SLC30A7: variants seen among roughly 807,000 people sequenced by gnomAD.
SLC30A7 encodes zinc transporter 7.
SLC30A7 carries 35 observed loss-of-function variants against 46.0 expected under a neutral mutation model. The observed-to-expected ratio is 0.76, with a 90% CI of 0.58 to 1.01. The LOEUF (loss-of-function observed/expected upper bound fraction) is 1.01, where lower values mean the gene tolerates loss of function less well. SLC30A7 is among the 50% of genes least tolerant of loss of function. The pLI is 0.00. For synonymous variants in SLC30A7, 147 were observed against 157.8 expected (o/e 0.93, Z 0.51); for missense variants, 464 against 451.1 (o/e 1.03, Z -0.26).
rs111335585 is a variant in SLC30A7 at position 100,913,717 on chromosome 1, A to G, written c.566A>G (p.His189Arg). 4.3e-4 allele frequency: 687 copies of G among 1,613,966 alleles called. No individual in the cohort carries two copies. Among genetic ancestry groups the G allele is most frequent in the Non-Finnish European group, 5.4e-4 (638 of 1,179,866 alleles). ...GGTGCTCTAGATCAGGCACATGGCC[A>G]TGTCGATCATTGCCATAGCCATGAA... is the stretch of plus-strand genomic sequence containing the variant. ...FNGALDQAHG[H>R]VDHCHSHEVK... Residue 189 changes from histidine to arginine, a missense_variant, in exon 6 of 11, where the codon CAT (histidine) becomes CGT (arginine). His to Arg is a conservative substitution (Grantham distance 29). Coordinates refer to ENST00000357650, the MANE Select transcript of SLC30A7 (RefSeq NM_133496.5).
the SLC30A7 span, chr1:100,992,697 G>A: frequency 1.9e-6 from 3 of 1,613,854 alleles, no homozygotes; most frequent in Non-Finnish European, 2.5e-6. Context: ...TGGGCTGCTT[G>A]GTTTACACTC....
chr1:100,910,329 C>T (rs562608068), intron 3 of SLC30A7, among the ~76,000 whole-genome samples: 4 of 152,074 alleles, frequency 2.6e-5, no homozygotes, highest in South Asian at 2.1e-4. Flanking sequence ...GCCAAATATA[C>T]GATACAGAAA....
intron 8 of SLC30A7, among the ~76,000 whole-genome samples, chr1:100,945,186 GC>G (rs1429445572): frequency 6.6e-6 from 1 of 152,012 alleles, no homozygotes; most frequent in Non-Finnish European, 1.5e-5. Flanking sequence ...CTGGATATTA[GC>G]CCTTTGTCAG....
chr1:100,974,708 T>A (rs1422828687), intron 10 of SLC30A7, 102 bp from the exon 11 acceptor site: 3 of 826,172 alleles, frequency 3.6e-6, no homozygotes, highest in Non-Finnish European at 5.3e-6. Context: ...TTTCTTTTTT[T>A]AAAAAAGTGA....
chr1:100,922,155 G>T (rs1185947923), intron 8 of SLC30A7, among the ~76,000 whole-genome samples: 1 of 151,782 alleles, frequency 6.6e-6, no homozygotes, highest in South Asian at 2.1e-4. Context: ...TAATAGAGAT[G>T]GGGTTTTACC....
rs1357987719 is a variant in SLC30A7 at position 100,980,245 on chromosome 1, A to T, written c.*5388A>T. On this transcript the variant is annotated 3_prime_UTR_variant, in exon 11 of 11. Transcript: ENST00000357650. Reference sequence around the variant, plus strand: ...GTTTATTAGGGAATTATCTTCCCCAAAAGTACAAGTAATTTTGCACTGCAG... The same window carrying T: ...GTTTATTAGGGAATTATCTTCCCCATAAGTACAAGTAATTTTGCACTGCAG... 1 of 152,102 alleles carries T rather than the reference A, an allele frequency of 6.6e-6. No homozygotes were observed. The highest frequency in any genetic ancestry group is 1.9e-4 in the East Asian group (1 of 5,194). 9.4% of individuals were successfully genotyped at this position (152,102 alleles called of 1,614,324 possible).
At chr1:100,972,079 T>G (rs1321156831) in intron 10 of SLC30A7, among the ~76,000 whole-genome samples, 1 of 152,152 alleles carries the variant, frequency 6.6e-6, no homozygotes, top group Non-Finnish European at 1.5e-5. Flanking sequence ...GTTTTCACAT[T>G]TTAAGGACCT....
In SLC30A7 at chr1:100,978,856, A is replaced by G. The variant is rs972905467; in HGVS notation, c.*3999A>G. Reference sequence around the variant, plus strand: ...TATAAAACCAGTTCCTGACATTTTAAAAAACAATATCTGTAAAATGGATCC... The same window carrying G: ...TATAAAACCAGTTCCTGACATTTTAGAAAACAATATCTGTAAAATGGATCC... On this transcript the variant is annotated 3_prime_UTR_variant, in exon 11 of 11. Coordinates refer to ENST00000357650, the MANE Select transcript of SLC30A7 (RefSeq NM_133496.5). The G allele has an allele frequency of 2.0e-5, 3 of 152,186 alleles. No individual in the cohort carries two copies. The highest frequency in any genetic ancestry group is 4.4e-5 in the Non-Finnish European group (3 of 68,010). The allele number at this position is 152,186 out of a possible 1,614,324, so 9.4% of individuals were successfully genotyped here.
At chr1:100,899,163 TA>T (rs1432687064) in intron 2 of SLC30A7, among the ~76,000 whole-genome samples, 1 of 152,196 alleles carries the variant, frequency 6.6e-6, no homozygotes, top group Admixed American at 6.5e-5. Flanking sequence ...ACCTTCCCAC[TA>T]GAACGTAAAC....
chr1:100,913,819 T>G lies in SLC30A7; in HGVS notation c.655+13T>G. 1 of 1,599,764 alleles carries G rather than the reference T, an allele frequency of 6.3e-7. No individual in the cohort carries two copies. Among genetic ancestry groups the G allele is most frequent in the Admixed American group, 1.7e-5 (1 of 58,422 alleles). On this transcript the variant is annotated intron_variant, in intron 6 of 10. Coordinates refer to ENST00000357650, the MANE Select transcript of SLC30A7 (RefSeq NM_133496.5). ...TTTCATTCTCATGGTGAGTACAGCCTAGAGACAAATGGACAGCCTCCAAAT... is the reference window on the plus strand; with the variant it reads ...TTTCATTCTCATGGTGAGTACAGCCGAGAGACAAATGGACAGCCTCCAAAT...
intron 9 of SLC30A7, among the ~76,000 whole-genome samples, chr1:100,964,343 T>C (rs909280829): frequency 1.4e-5 from 2 of 143,608 alleles, no homozygotes; most frequent in African/African-American, 2.6e-5. Flanking sequence ...ATATATGTTA[T>C]ATATACATAT....
At chr1:100,922,457 G>A (rs1653009598) in intron 8 of SLC30A7, among the ~76,000 whole-genome samples, 1 of 152,178 alleles carries the variant, frequency 6.6e-6, no homozygotes, top group African/African-American at 2.4e-5. Flanking sequence ...TATAGTTAGT[G>A]TATTAATCCT....
chr1:100,948,175 A>G (rs1377303771), intron 8 of SLC30A7, among the ~76,000 whole-genome samples: 1 of 152,188 alleles, frequency 6.6e-6, no homozygotes, highest in Non-Finnish European at 1.5e-5. Flanking sequence ...ATGTTTTTGC[A>G]GTGGCTGGTG....
At chr1:100,915,896 A>G (rs1652512440) in intron 6 of SLC30A7, among the ~76,000 whole-genome samples, 1 of 152,110 alleles carries the variant, frequency 6.6e-6, no homozygotes, top group African/African-American at 2.4e-5. Flanking sequence ...CCAGTAGTAT[A>G]CAAGGGTTTC....
At chr1:100,924,518 G>A (rs1239735887) in intron 8 of SLC30A7, among the ~76,000 whole-genome samples, 1 of 151,876 alleles carries the variant, frequency 6.6e-6, no homozygotes, top group Admixed American at 6.6e-5. Context: ...CTACCTCCCA[G>A]GCTGGGTTGA....
intron 5 of SLC30A7, among the ~76,000 whole-genome samples, chr1:100,913,219 G>A (rs1255926444): frequency 3.3e-5 from 5 of 152,104 alleles, no homozygotes; most frequent in Non-Finnish European, 5.9e-5. Flanking sequence ...CTTAATGTGA[G>A]CATTTGCATA....
At chr1:100,948,680 T>C (rs1291851067) in intron 8 of SLC30A7, among the ~76,000 whole-genome samples, 2 of 152,226 alleles carry the variant, frequency 1.3e-5, no homozygotes, top group Non-Finnish European at 2.9e-5. Flanking sequence ...TCAGGTATAC[T>C]AGTCAAACGT....
intron 8 of SLC30A7, among the ~76,000 whole-genome samples, chr1:100,958,873 G>C (rs1655387437): frequency 6.6e-6 from 1 of 152,184 alleles, no homozygotes; most frequent in Admixed American, 6.5e-5. Context: ...TGTAGTAATA[G>C]TATAGGTAGC....
At position 100,921,796 on chromosome 1, in the gene SLC30A7, C is replaced by T. The variant is rs369148003; in HGVS notation, c.797C>T (p.Ala266Val). 5.0e-6 allele frequency: 8 copies of T among 1,612,986 alleles called. No individual in the cohort carries two copies. The highest frequency in any genetic ancestry group is 6.8e-6 in the Non-Finnish European group (8 of 1,179,596). The change falls in exon 8 of 11, where the codon GCA becomes GTA. Residue 266 changes from alanine to valine, a missense_variant. Coordinates refer to ENST00000357650, the MANE Select transcript of SLC30A7 (RefSeq NM_133496.5). ...ATGCAAAATTTTGGTCTGATGATAG[C>T]AGATCCTATCTGTTCAATTCTTATA... ...IMMQNFGLMI[A>V]DPICSILIAI... is the part of the protein sequence containing the mutation.
Sources: gnomAD v4.1 joint callset for allele counts (sites outside exome capture counted in the v4.1 genomes callset) on GRCh38, gnomAD v4.1.1 for gene constraint, MANE v1.5 for transcripts, NCBI Gene and HGNC (gene_info 2026-07-23, HGNC 2026-07-21) for gene names.